Variants in CLRN3 observed in about 807,000 individuals in gnomAD.
CLRN3 encodes clarin-3.
Under a neutral mutation model 16.7 loss-of-function variants are expected in CLRN3, and 12 were observed. That is an observed-to-expected ratio of 0.72 (90% CI 0.46 to 1.16). The LOEUF (loss-of-function observed/expected upper bound fraction) is 1.16, where lower values mean the gene tolerates loss of function less well. CLRN3 is among the 50% of genes most tolerant of loss of function. The pLI, the probability that CLRN3 is intolerant of heterozygous loss-of-function variation, is 0.00. For missense variants in CLRN3, 296 were observed against 274.2 expected, an observed-to-expected ratio of 1.08 and a Z score of -0.56; for synonymous variants, 118 against 113.0, an observed-to-expected ratio of 1.04 and a Z score of -0.28.
At chr10:127,880,467 G>C (rs1378631257) in intron 2 of CLRN3, among the ~76,000 whole-genome samples, 1 of 152,190 alleles carries the variant, frequency 6.6e-6, no homozygotes, top group African/African-American at 2.4e-5. Flanking sequence ...CCTGGCTTCT[G>C]TCCTGGCCTG....
intron 1 of CLRN3, among the ~76,000 whole-genome samples, chr10:127,887,084 G>A (rs1019028402): frequency 4.6e-5 from 7 of 152,214 alleles, no homozygotes; most frequent in East Asian, 1.9e-4. Context: ...AGGTGCAGCC[G>A]TTGGGGGATT....
chr10:127,880,890 T>A (rs1030573389), intron 2 of CLRN3, among the ~76,000 whole-genome samples: 3 of 152,158 alleles, frequency 2.0e-5, no homozygotes, highest in Non-Finnish European at 2.9e-5. Flanking sequence ...CCCACAGCCA[T>A]GACCCAAGGC....
chr10:127,888,832 A>T (rs970559465), intron 1 of CLRN3, among the ~76,000 whole-genome samples: 1 of 152,182 alleles, frequency 6.6e-6, no homozygotes, highest in Non-Finnish European at 1.5e-5. Context: ...TACCCAGTAC[A>T]GCCATGCCTG....
Position 127,878,178 on chromosome 10 carries a change from AT to A in CLRN3, c.651del (p.Glu217AspfsTer41), listed in dbSNP as rs756500504. On this transcript the variant is annotated frameshift_variant, in exon 3 of 3. Coordinates refer to ENST00000368671, the MANE Select transcript of CLRN3 (RefSeq NM_152311.5). LOFTEE classifies it high-confidence loss of function. ...QRKQEQRKPM[E>X]YAPRDGILF is the part of the protein sequence containing the mutation. Reference sequence around the variant, plus strand: ...AATAAAATTCCGTCCCTTGGAGCATATTCCATTGGCTTTCTCTGCTCCTGCT... The same window carrying A: ...AATAAAATTCCGTCCCTTGGAGCATATCCATTGGCTTTCTCTGCTCCTGCT... The A allele has an allele frequency of 6.2e-7, 1 of 1,613,756 alleles. No homozygotes were observed. The highest frequency in any genetic ancestry group is 1.1e-5 in the South Asian group (1 of 91,088).
intron 1 of CLRN3, among the ~76,000 whole-genome samples, chr10:127,889,600 G>T (rs910027350): frequency 6.6e-6 from 1 of 152,128 alleles, no homozygotes; most frequent in East Asian, 1.9e-4. Flanking sequence ...CTCCAGTCTG[G>T]GTGTGAAGCA....
chr10:127,892,533 A>G (rs1249924086), intron 1 of CLRN3, 23 bp downstream of exon 1: 2 of 1,188,358 alleles, frequency 1.7e-6, no homozygotes, highest in Non-Finnish European at 2.5e-6. Flanking sequence ...CACTATATTC[A>G]TTCAAATTAG....
At chr10:127,883,270 A>G (rs940580183) in intron 2 of CLRN3, among the ~76,000 whole-genome samples, 1 of 151,156 alleles carries the variant, frequency 6.6e-6, no homozygotes, top group African/African-American at 2.4e-5. Context: ...TGGTGTGTTC[A>G]TGTGTGTGTG....
intron 2 of CLRN3, among the ~76,000 whole-genome samples, chr10:127,883,282 G>A (rs1272079931): frequency 6.6e-6 from 1 of 152,054 alleles, no homozygotes. Context: ...GTGTGTGTGT[G>A]TGTGTGTGCA....
At chr10:127,887,572 A>G (rs536898563) in intron 1 of CLRN3, among the ~76,000 whole-genome samples, 1 of 152,110 alleles carries the variant, frequency 6.6e-6, no homozygotes, top group African/African-American at 2.4e-5. Context: ...CTGTTGACTC[A>G]TATTTTCTGC....
At chr10:127,888,614 G>A (rs917752481) in intron 1 of CLRN3, among the ~76,000 whole-genome samples, 24 of 152,134 alleles carry the variant, frequency 1.6e-4, no homozygotes, top group African/African-American at 5.6e-4. Context: ...GTTAGTGGAG[G>A]AAAGAGACTA....
Position 127,883,746 on chromosome 10 carries a change from T to C in CLRN3, c.359A>G (p.Tyr120Cys). The C allele has an allele frequency of 6.2e-7, 1 of 1,613,502 alleles. No individual in the cohort carries two copies. The highest frequency in any genetic ancestry group is 8.5e-7 in the Non-Finnish European group (1 of 1,179,790). ...FTFYNSISNP[Y>C]QTFLGPTGVY... is the part of the protein sequence containing the mutation. ...CCCCGTCGGCCCCAGGAATGTCTGG[T>C]AAGGGTTGCTGATGCTGTTGTAGAA... is the stretch of plus-strand genomic sequence containing the variant. The change falls in exon 2 of 3, where the codon TAC becomes TGC. Residue 120 changes from tyrosine (Y) to cysteine (C), a missense_variant. Physicochemically the swap from Tyr to Cys is radical, Grantham distance 194. Transcript: ENST00000368671.
At position 127,882,897 on chromosome 10, in the gene CLRN3, A is replaced by G. The variant is rs191141564; in HGVS notation, c.409+799T>C. The stretch of plus-strand genomic sequence containing the variant: ...AACCTGACTGCCTGGTGGGAGCAAA[A>G]GGCCCTGAAGGCAGCTGGGCAGGGC... On this transcript the variant is annotated intron_variant, in intron 2 of 2. Transcript: ENST00000368671. Among the ~76,000 whole-genome samples, 11 of 152,330 alleles carry G rather than the reference A, an allele frequency of 7.2e-5. No homozygotes were observed. In the East Asian group the frequency reaches 2.1e-3, roughly 29 times the overall value.
chr10:127,885,824 C>T (rs560475129), intron 1 of CLRN3, among the ~76,000 whole-genome samples: 47 of 151,858 alleles, frequency 3.1e-4, no homozygotes, highest in African/African-American at 1.1e-3. Context: ...GGTGCGATCT[C>T]GGCTCACCCC....
chr10:127,878,471 G>A, intron 2 of CLRN3, 51 bp from the exon 3 acceptor site: 1 of 1,602,926 alleles, frequency 6.2e-7, no homozygotes, highest in African/African-American at 1.3e-5. Flanking sequence ...AGTTTTTAAT[G>A]TCACTTATCT....
chr10:127,891,851 T>A (rs1441494045), intron 1 of CLRN3, among the ~76,000 whole-genome samples: 1 of 152,222 alleles, frequency 6.6e-6, no homozygotes, highest in Non-Finnish European at 1.5e-5. Flanking sequence ...ATGTGTTACA[T>A]AATTTACAAA....
intron 2 of CLRN3, among the ~76,000 whole-genome samples, chr10:127,880,015 T>C (rs1472120102): frequency 6.6e-6 from 1 of 152,280 alleles, no homozygotes; most frequent in East Asian, 1.9e-4. Context: ...AAACGGTCCA[T>C]CAAAAGGCCT....
chr10:127,878,163 C>T lies in CLRN3; in HGVS notation c.667G>A (p.Gly223Arg), dbSNP rs1267051610. 4.3e-6 allele frequency: 7 copies of T among 1,611,416 alleles called. No homozygotes were observed. Among genetic ancestry groups the T allele is most frequent in the South Asian group, 1.1e-5 (1 of 91,072 alleles). ...RKPMEYAPRD[G>R]ILF is the part of the protein sequence containing the mutation. The stretch of plus-strand genomic sequence containing the variant: ...TGAAAGAGAATTCAGAATAAAATTC[C>T]GTCCCTTGGAGCATATTCCATTGGC... Residue 223 changes from glycine to arginine, a missense_variant, in exon 3 of 3, where the codon GGA becomes AGA. Transcript: ENST00000368671.
chr10:127,885,227 A>G lies in CLRN3; in HGVS notation c.230-1352T>C, dbSNP rs184266797. ...AGTGTTTCAAAGAATTCAGAATGGG[A>G]GGCAGGAGACCCCAGGGTGCTGTGG... is the stretch of plus-strand genomic sequence containing the variant. On this transcript the variant is annotated intron_variant, in intron 1 of 2. Coordinates refer to ENST00000368671, the MANE Select transcript of CLRN3 (RefSeq NM_152311.5). Among the ~76,000 whole-genome samples the G allele has an allele frequency of 6.1e-4, 93 of 152,240 alleles. 1 individual carries two copies. Among genetic ancestry groups the G allele is most frequent in the Middle Eastern group, 3.4e-3 (1 of 292 alleles).
chr10:127,891,094 C>T (rs754423719), intron 1 of CLRN3, among the ~76,000 whole-genome samples: 1 of 152,198 alleles, frequency 6.6e-6, no homozygotes, highest in Non-Finnish European at 1.5e-5. Context: ...GCTGTGCTCC[C>T]ACCTGGGCTG....
Sources: allele counts gnomAD v4.1 joint callset (sites outside exome capture counted in the v4.1 genomes callset), GRCh38; gene constraint gnomAD v4.1.1; transcripts MANE v1.5; gene names NCBI Gene and HGNC (gene_info 2026-07-23, HGNC 2026-07-21).